The following UBTD2 variants were observed in gnomAD, a reference collection of about 807,000 sequenced individuals.
The protein encoded by UBTD2 is ubiquitin domain containing 2.
UBTD2 carries 9 observed loss-of-function variants against 19.8 expected under a neutral mutation model. The ratio of observed to expected loss-of-function variants is 0.46; its 90% CI spans 0.27 to 0.79. The LOEUF is 0.79. Ranked by LOEUF, UBTD2 falls within the 30% of genes least tolerant of loss-of-function variation. UBTD2 has a pLI of 0.14. For missense variants in UBTD2, 250 were observed against 300.4 expected, an observed-to-expected ratio of 0.83 and a Z score of 1.24; for synonymous variants, 98 against 103.9, an observed-to-expected ratio of 0.94 and a Z score of 0.35.
intron 1 of UBTD2, among the ~76,000 whole-genome samples, chr5:172,240,570 A>G (rs1334782821): frequency 6.6e-6 from 1 of 152,194 alleles, no homozygotes; most frequent in African/African-American, 2.4e-5. Context: ...TGATCTGAGC[A>G]TACAAACAGG....
chr5:172,242,571 G>C (rs1360012675), intron 1 of UBTD2, among the ~76,000 whole-genome samples: 1 of 152,136 alleles, frequency 6.6e-6, no homozygotes, highest in Non-Finnish European at 1.5e-5. Flanking sequence ...TTAGAGTCAA[G>C]TAAAACATTT....
chr5:172,279,951 A>AT (rs1241938514), intron 1 of UBTD2, among the ~76,000 whole-genome samples: 145 of 152,202 alleles, frequency 9.5e-4, no homozygotes, highest in African/African-American at 3.3e-3. Context: ...AAAATATGAA[A>AT]TTAGCCAGGC....
chr5:172,265,559 G>A (rs1015374580), intron 1 of UBTD2, among the ~76,000 whole-genome samples: 6 of 152,178 alleles, frequency 3.9e-5, no homozygotes, highest in Non-Finnish European at 8.8e-5. Context: ...TCGATCTCCT[G>A]ACCTTGTGAT....
At position 172,249,724 on chromosome 5, in the gene UBTD2, A is replaced by G. The variant is rs557069029; in HGVS notation, c.71-15366T>C. 6.0e-4 allele frequency among the ~76,000 whole-genome samples: 92 copies of G among 152,298 alleles called. 2 individuals carry two copies. Among genetic ancestry groups the G allele is most frequent in the African/African-American group, 2.1e-3 (86 of 41,576 alleles). Reference sequence around the variant, plus strand: ...ACCAGCAAACTAAATCTAAATGCATAAAGATTATATATCACAATTGAGATT... The same window carrying G: ...ACCAGCAAACTAAATCTAAATGCATGAAGATTATATATCACAATTGAGATT... On this transcript the variant is annotated intron_variant, in intron 1 of 2. Coordinates refer to ENST00000393792, the MANE Select transcript of UBTD2 (RefSeq NM_152277.3).
chr5:172,245,488 G>A (rs6882004), intron 1 of UBTD2, among the ~76,000 whole-genome samples: 45,722 of 152,024 alleles, frequency 0.3, 7,004 homozygotes, highest in South Asian at 0.42. Flanking sequence ...CAAGACAGGC[G>A]ACTGCTTGAG....
At chr5:172,222,911 G>C (rs1043847499) in intron 2 of UBTD2, among the ~76,000 whole-genome samples, 1 of 152,174 alleles carries the variant, frequency 6.6e-6, no homozygotes, top group Non-Finnish European at 1.5e-5. Context: ...TATGCTACTG[G>C]ATATTCTAGG....
intron 1 of UBTD2, among the ~76,000 whole-genome samples, chr5:172,242,951 T>C (rs1042656910): frequency 1.3e-5 from 2 of 152,138 alleles, no homozygotes; most frequent in Non-Finnish European, 2.9e-5. Context: ...AAAATAAATT[T>C]CAGTCACTAT....
chr5:172,217,143 G>A (rs1464418905), intron 2 of UBTD2, among the ~76,000 whole-genome samples: 1 of 151,938 alleles, frequency 6.6e-6, no homozygotes, highest in African/African-American at 2.4e-5. Flanking sequence ...AGGGCGTGGT[G>A]GCTTATGCCT....
chr5:172,276,691 GCA>G (rs1177759628), intron 1 of UBTD2, among the ~76,000 whole-genome samples: 1 of 151,814 alleles, frequency 6.6e-6, no homozygotes, highest in Non-Finnish European at 1.5e-5. Flanking sequence ...TTATTGGGGT[GCA>G]GAGACAAAGA....
Position 172,283,387 on chromosome 5 carries a change from C to A in UBTD2, c.70+209G>T, listed in dbSNP as rs573784086. Among the ~76,000 whole-genome samples the A allele has an allele frequency of 5.3e-4, 81 of 152,300 alleles. No individual in the cohort carries two copies. The highest frequency in any genetic ancestry group is 1.9e-3 in the African/African-American group (77 of 41,582). On this transcript the variant is annotated intron_variant, in intron 1 of 2. Transcript: ENST00000393792. This position sits in a 1 kb window ranked among gnomAD's most constrained non-coding sequence, Gnocchi z 4.3. ...GCGAGGCCAAGGGCTACGTCCCCGG[C>A]GCTCAGAGGACTTTTCTTCAGGGCT... is the stretch of plus-strand genomic sequence containing the variant.
intron 1 of UBTD2, among the ~76,000 whole-genome samples, chr5:172,282,054 C>A (rs1755728376): frequency 6.6e-6 from 1 of 152,112 alleles, no homozygotes; most frequent in African/African-American, 2.4e-5. Context: ...AATCCACATA[C>A]ATTACGGAGA....
intron 1 of UBTD2, among the ~76,000 whole-genome samples, chr5:172,243,841 C>T (rs1157882623): frequency 2.0e-5 from 3 of 151,470 alleles, no homozygotes; most frequent in African/African-American, 7.3e-5. Context: ...TTTTTTTTGG[C>T]GTTGTTTAAG....
chr5:172,272,969 C>T (rs1755526577), intron 1 of UBTD2, among the ~76,000 whole-genome samples: 1 of 151,874 alleles, frequency 6.6e-6, no homozygotes, highest in Non-Finnish European at 1.5e-5. Flanking sequence ...CCCAGCTACT[C>T]GGGAGGCTGA....
chr5:172,244,443 T>A (rs1169597783), intron 1 of UBTD2, among the ~76,000 whole-genome samples: 1 of 151,022 alleles, frequency 6.6e-6, no homozygotes, highest in African/African-American at 2.4e-5. Context: ...ATTACAGGCA[T>A]GCGCCACCAC....
rs760534317 is a variant in UBTD2, at chr5:172,283,631, G to A, written c.35C>T (p.Ser12Leu). The A allele has an allele frequency of 1.4e-5, 18 of 1,291,872 alleles. No homozygotes were observed. In the South Asian group the frequency reaches 4.8e-4, roughly 34 times the overall value. The allele number at this position is 1,291,872 out of a possible 1,614,324, so 80.0% of individuals were successfully genotyped here. A position where few individuals can be genotyped will look rare whatever the true frequency, so the allele number is the denominator to read the frequency against. ...GGCVGAQHDS[S>L]GSLNENSEGT... ...CTCCGAGTTCTCGTTGAGGCTGCCC[G>A]AGGAGTCGTGCTGGGCGCCCACACA... is the stretch of plus-strand genomic sequence containing the variant. The change falls in exon 1 of 3, where the codon TCG (serine) becomes TTG (leucine). Residue 12 changes from serine to leucine, a missense_variant. Ser to Leu is a moderately radical substitution (Grantham distance 145, BLOSUM62 -2). Transcript: ENST00000393792. This position sits in a 1 kb window ranked among gnomAD's most constrained non-coding sequence, Gnocchi z 4.3.
chr5:172,249,143 A>G (rs985682378), intron 1 of UBTD2, among the ~76,000 whole-genome samples: 7 of 152,126 alleles, frequency 4.6e-5, no homozygotes, highest in African/African-American at 1.7e-4. Flanking sequence ...CACACCTGTA[A>G]TCCCAGCACT....
At chr5:172,234,914 C>T (rs1185658972) in intron 1 of UBTD2, among the ~76,000 whole-genome samples, 2 of 139,550 alleles carry the variant, frequency 1.4e-5, no homozygotes, top group Non-Finnish European at 3.1e-5. Context: ...TCAAACAAAA[C>T]AAAACAAAAC....
At chr5:172,280,782 T>C (rs1360388605) in intron 1 of UBTD2, among the ~76,000 whole-genome samples, 4 of 152,194 alleles carry the variant, frequency 2.6e-5, no homozygotes, top group African/African-American at 9.7e-5. Context: ...CAATAGATAA[T>C]GCAAAGCTTA....
chr5:172,277,927 T>C (rs1755640797), intron 1 of UBTD2, among the ~76,000 whole-genome samples: 1 of 148,628 alleles, frequency 6.7e-6, no homozygotes, highest in Non-Finnish European at 1.5e-5. Flanking sequence ...GATATATAAA[T>C]GGACATGAAA....
Sources: gnomAD v4.1 joint callset for allele counts (sites outside exome capture counted in the v4.1 genomes callset) on GRCh38, gnomAD v4.1.1 for gene constraint, Gnocchi (gnomAD v3.1) non-coding constraint, MANE v1.5 for transcripts, NCBI Gene and HGNC (gene_info 2026-07-23, HGNC 2026-07-21) for gene names.